The following POLR1F variants were observed in gnomAD, a reference collection of about 807,000 sequenced individuals.
The protein encoded by POLR1F is DNA-directed RNA polymerase I subunit RPA43.
POLR1F carries 23 observed loss-of-function variants against 21.8 expected under a neutral mutation model. That is an observed-to-expected ratio of 1.05 (90% CI 0.76 to 1.49). The LOEUF is 1.49. POLR1F is among the 40% of genes most tolerant of loss of function. POLR1F has a pLI of 0.00. For synonymous variants in POLR1F, 162 were observed against 152.8 expected, an observed-to-expected ratio of 1.06 and a Z score of -0.45; for missense variants, 435 against 412.1, an observed-to-expected ratio of 1.06 and a Z score of -0.48.
chr7:19,702,751 C>G (rs1783461557), intron 2 of POLR1F, among the ~76,000 whole-genome samples: 1 of 152,106 alleles, frequency 6.6e-6, no homozygotes, highest in South Asian at 2.1e-4. Flanking sequence ...GGGCAAAATA[C>G]TTGAACAGGC....
chr7:19,705,804 C>G (rs965751170), intron 1 of POLR1F, among the ~76,000 whole-genome samples: 1 of 152,124 alleles, frequency 6.6e-6, no homozygotes, highest in African/African-American at 2.4e-5. Context: ...GCTGAGATCT[C>G]AGCACTGCAC....
At chr7:19,703,581 A>G (rs758830658) in intron 2 of POLR1F, among the ~76,000 whole-genome samples, 21 of 152,050 alleles carry the variant, frequency 1.4e-4, no homozygotes, top group Non-Finnish European at 2.8e-4. Flanking sequence ...ACATGTATAT[A>G]TGTTATTTCC....
chr7:19,708,887 G>T lies in POLR1F; in HGVS notation c.130C>A (p.Arg44Ser). ...GGCCCGGCCACCAGGCATGAGTAGC[G>T]ACTGTTCACCAGCGCACAAGCAGCG... ...YAAACALVNS[R>S]YSCLVAGPHQ... is the part of the protein sequence containing the mutation. Residue 44 changes from arginine to serine, a missense_variant, in exon 1 of 4, where the codon CGC (arginine) becomes AGC (serine). By Grantham distance (110) the Arg-to-Ser change is moderately radical (BLOSUM62 -1). Coordinates refer to ENST00000222567, the MANE Select transcript of POLR1F (RefSeq NM_001002926.2). The T allele has an allele frequency of 1.2e-6, 2 of 1,614,136 alleles. No homozygotes were observed. The highest frequency in any genetic ancestry group is 8.5e-7 in the Non-Finnish European group (1 of 1,180,004).
At position 19,700,199 on chromosome 7, in the gene POLR1F, G is replaced by T. The variant is rs1371736393; in HGVS notation, c.478C>A (p.Gln160Lys). Residue 160 changes from glutamine (Q) to lysine (K), a missense_variant, in exon 3 of 4, where the codon CAG (glutamine) becomes AAG (lysine). Physicochemically the swap from Gln to Lys is moderately conservative, Grantham distance 53. Coordinates refer to ENST00000222567, the MANE Select transcript of POLR1F (RefSeq NM_001002926.2). Reference sequence around the variant, plus strand: ...GTTTGCCACTGCTCAGCTGACAACTGCTCAGGTTTAGGAATGGAGGCATTG... The same window carrying T: ...GTTTGCCACTGCTCAGCTGACAACTTCTCAGGTTTAGGAATGGAGGCATTG... The part of the protein sequence containing the change: ...CFNASIPKPE[Q>K]LSAEQWQTME... 2.5e-6 allele frequency: 4 copies of T among 1,613,850 alleles called. No individual in the cohort carries two copies. Among genetic ancestry groups the T allele is most frequent in the Non-Finnish European group, 3.4e-6 (4 of 1,179,832 alleles).
chr7:19,708,945 G>T lies in POLR1F; in HGVS notation c.72C>A (p.Gly24=). The change falls in exon 1 of 4, where the codon GGC becomes GGA. Residue 24 remains glycine (G), a synonymous_variant. Coordinates refer to ENST00000222567, the MANE Select transcript of POLR1F (RefSeq NM_001002926.2). Reference sequence around the variant, plus strand: ...TCGGCAACTCTAGGCAAGGCAGGACGCCAGCCTGCCCTACCAGAGACCCAT... The same window carrying T: ...TCGGCAACTCTAGGCAAGGCAGGACTCCAGCCTGCCCTACCAGAGACCCAT... The part of the protein sequence containing the change: ...ASDGSLVGQA[G]VLPCLELPTY... 1 of 1,612,546 alleles carries T rather than the reference G, an allele frequency of 6.2e-7. No individual in the cohort carries two copies. Among genetic ancestry groups the T allele is most frequent in the South Asian group, 1.1e-5 (1 of 91,072 alleles).
rs1248118911 is a variant in POLR1F, at chr7:19,696,500, A to AATTAAATTT, written c.*1807_*1815dup. On this transcript the variant is annotated 3_prime_UTR_variant, in exon 4 of 4. Transcript: ENST00000222567. The stretch of plus-strand genomic sequence containing the variant: ...AGGGGTTTAGAATTGTTTCACTAAA[A>AATTAAATTT]ATTAAATTTCTATATTGTCAAACAT... The AATTAAATTT allele has an allele frequency of 1.8e-4, 28 of 152,222 alleles. No homozygotes were observed. The highest frequency in any genetic ancestry group is 6.3e-4 in the African/African-American group (26 of 41,574). 9.4% of individuals were successfully genotyped at this position (152,222 alleles called of 1,614,324 possible).
intron 2 of POLR1F, among the ~76,000 whole-genome samples, chr7:19,703,348 T>C (rs1783469108): frequency 6.6e-6 from 1 of 152,160 alleles, no homozygotes; most frequent in Non-Finnish European, 1.5e-5. Context: ...GAAGATCCTT[T>C]CTAAGGAGAT....
Position 19,704,912 on chromosome 7 carries a change from C to A in POLR1F, c.263G>T (p.Gly88Val). 1 of 1,563,832 alleles carries A rather than the reference C, an allele frequency of 6.4e-7. No homozygotes were observed. The highest frequency in any genetic ancestry group is 8.6e-7 in the Non-Finnish European group (1 of 1,164,730). Residue 88 changes from glycine (G) to valine (V), a missense_variant, in exon 2 of 4, where the codon GGT (glycine) becomes GTT (valine). Gly to Val is a moderately radical substitution (Grantham distance 109). Coordinates refer to ENST00000222567, the MANE Select transcript of POLR1F (RefSeq NM_001002926.2). ...ELLRYSESLLGVPIAYDNIKV... is the reference protein window; with the variant it reads ...ELLRYSESLLVVPIAYDNIKV... ...GATGTTATCATATGCAATAGGGACA[C>A]CTAAAAGGCTGTAAAAAGAAAAAGT...
At chr7:19,708,151 C>T (rs975703942) in intron 1 of POLR1F, among the ~76,000 whole-genome samples, 2 of 152,106 alleles carry the variant, frequency 1.3e-5, no homozygotes, top group Non-Finnish European at 2.9e-5. Context: ...AACAGGCTCA[C>T]TAGTTCGACT....
chr7:19,704,676 G>T, intron 2 of POLR1F, 103 bp downstream of exon 2: 1 of 1,007,776 alleles, frequency 9.9e-7, no homozygotes. Context: ...ACTCACAATA[G>T]CAATTTATTT....
rs941660976 is a variant in POLR1F at position 19,696,222 on chromosome 7, C to T, written c.*2094G>A. The T allele has an allele frequency of 1.3e-5, 2 of 151,958 alleles. No individual in the cohort carries two copies. Among genetic ancestry groups the T allele is most frequent in the Non-Finnish European group, 2.9e-5 (2 of 67,908 alleles). 9.4% of individuals were successfully genotyped at this position (151,958 alleles called of 1,614,324 possible). Reference sequence around the variant, plus strand: ...AAAGACAAACAAAAAAAACAATGAACAAAGTTATGCTATTCTAGGAAAGAC... The same window carrying T: ...AAAGACAAACAAAAAAAACAATGAATAAAGTTATGCTATTCTAGGAAAGAC... On this transcript the variant is annotated 3_prime_UTR_variant, in exon 4 of 4. Transcript: ENST00000222567.
chr7:19,704,926 A>G lies in POLR1F; in HGVS notation c.255-6T>C. Reference sequence around the variant, plus strand: ...CAATAGGGACACCTAAAAGGCTGTAAAAAGAAAAAGTTGAAAATGATACCT... The same window carrying G: ...CAATAGGGACACCTAAAAGGCTGTAGAAAGAAAAAGTTGAAAATGATACCT... On this transcript the variant is annotated splice_region_variant and splice_polypyrimidine_tract_variant and intron_variant, in intron 1 of 3. Coordinates refer to ENST00000222567, the MANE Select transcript of POLR1F (RefSeq NM_001002926.2). The G allele has an allele frequency of 1.3e-6, 2 of 1,554,752 alleles. No homozygotes were observed. Among genetic ancestry groups the G allele is most frequent in the Admixed American group, 2.3e-5 (1 of 43,318 alleles).
chr7:19,703,800 C>T (rs1227501355), intron 2 of POLR1F, among the ~76,000 whole-genome samples: 4 of 152,014 alleles, frequency 2.6e-5, no homozygotes, highest in African/African-American at 7.3e-5. Context: ...CACTATGTTG[C>T]CCACGTTGGT....
In POLR1F at chr7:19,695,812, G is replaced by A. The variant is rs777245472; in HGVS notation, c.*2504C>T. The A allele has an allele frequency of 3.3e-5, 5 of 152,106 alleles. No individual in the cohort carries two copies. The highest frequency in any genetic ancestry group is 4.8e-5 in the African/African-American group (2 of 41,442). 9.4% of individuals were successfully genotyped at this position (152,106 alleles called of 1,614,324 possible). On this transcript the variant is annotated 3_prime_UTR_variant, in exon 4 of 4. Transcript: ENST00000222567. Reference sequence around the variant, plus strand: ...TAGTCCTCTGTCAGGTTCTCCACCTGGAATGCCACAGCTAGTTTTTCTTCT... The same window carrying A: ...TAGTCCTCTGTCAGGTTCTCCACCTAGAATGCCACAGCTAGTTTTTCTTCT...
rs1157848614 is a variant in POLR1F at position 19,696,040 on chromosome 7, A to G, written c.*2276T>C. The G allele has an allele frequency of 4.6e-5, 7 of 152,134 alleles. No individual in the cohort carries two copies. Among genetic ancestry groups the G allele is most frequent in the Non-Finnish European group, 8.8e-5 (6 of 67,982 alleles). 9.4% of individuals were successfully genotyped at this position (152,134 alleles called of 1,614,324 possible). ...GTGTCTTGCACAGTGAAATGGGTGAATGATAGGAACTGGAGAGAGGGTAAG... is the reference window on the plus strand; with the variant it reads ...GTGTCTTGCACAGTGAAATGGGTGAGTGATAGGAACTGGAGAGAGGGTAAG... On this transcript the variant is annotated 3_prime_UTR_variant, in exon 4 of 4. Coordinates refer to ENST00000222567, the MANE Select transcript of POLR1F (RefSeq NM_001002926.2).
intron 2 of POLR1F, among the ~76,000 whole-genome samples, chr7:19,701,892 G>T (rs1783450799): frequency 6.6e-6 from 1 of 151,964 alleles, no homozygotes; most frequent in African/African-American, 2.4e-5. Context: ...GAACTACTCA[G>T]GGCCAGCGGC....
rs372761007 is a variant in POLR1F, at chr7:19,697,129, G to A, written c.*1187C>T. The A allele has an allele frequency of 4.2e-4, 64 of 152,252 alleles. 1 individual carries two copies. The highest frequency in any genetic ancestry group is 1.5e-3 in the African/African-American group (63 of 41,568). The allele number at this position is 152,252 out of a possible 1,614,324, so 9.4% of individuals were successfully genotyped here. ...AATGGCAACAAAAATGCTGACATGG[G>A]AGTTCAACCATTCATGCATTTGCAG... On this transcript the variant is annotated 3_prime_UTR_variant, in exon 4 of 4. Coordinates refer to ENST00000222567, the MANE Select transcript of POLR1F (RefSeq NM_001002926.2).
At chr7:19,705,288 G>C (rs1346029785) in intron 1 of POLR1F, 1 of 161,602 alleles carries the variant, frequency 6.2e-6, no homozygotes, top group Non-Finnish European at 1.4e-5. Context: ...AAGTTAAAAT[G>C]ATGACTCAAG....
Position 19,697,491 on chromosome 7 carries a change from G to C in POLR1F, c.*825C>G, listed in dbSNP as rs1583399874. 6.6e-6 allele frequency: 1 copy of C among 152,116 alleles called. No individual in the cohort carries two copies. The highest frequency in any genetic ancestry group is 6.5e-5 in the Admixed American group (1 of 15,268). The allele number at this position is 152,116 out of a possible 1,614,324, so 9.4% of individuals were successfully genotyped here. ...AATGAAAGCAGTGAACAGAACAACT[G>C]TTTTCTCTTCAGCACAATATCTTAT... is the stretch of plus-strand genomic sequence containing the variant. On this transcript the variant is annotated 3_prime_UTR_variant, in exon 4 of 4. Transcript: ENST00000222567.
Sources: allele counts gnomAD v4.1 joint callset (sites outside exome capture counted in the v4.1 genomes callset), GRCh38; gene constraint gnomAD v4.1.1; transcripts MANE v1.5; gene names NCBI Gene and HGNC (gene_info 2026-07-23, HGNC 2026-07-21).